Variants in RB1CC1 observed in about 807,000 individuals in gnomAD.
RB1CC1 encodes RB1-inducible coiled-coil protein 1.
RB1CC1 carries 46 observed loss-of-function variants against 177.5 expected under a neutral mutation model. The ratio of observed to expected loss-of-function variants is 0.26; its 90% CI spans 0.20 to 0.33. RB1CC1 has a LOEUF of 0.33. Ranked by LOEUF, RB1CC1 falls within the 10% of genes least tolerant of loss-of-function variation. RB1CC1 has a pLI of 1.00. For synonymous variants in RB1CC1, 666 were observed against 613.6 expected (o/e 1.09, Z -1.26); for missense variants, 1,703 against 1,816.3 (o/e 0.94, Z 1.13).
At chr8:52,665,876 T>C (rs1225738732) in intron 8 of RB1CC1, among the ~76,000 whole-genome samples, 3 of 152,276 alleles carry the variant, frequency 2.0e-5, no homozygotes, top group African/African-American at 7.2e-5. Flanking sequence ...CTGACTTCCC[T>C]GAAGAGCTAG....
intron 1 of RB1CC1, among the ~76,000 whole-genome samples, chr8:52,701,569 T>C (rs916560719): frequency 6.6e-6 from 1 of 152,184 alleles, no homozygotes; most frequent in Non-Finnish European, 1.5e-5. Flanking sequence ...TCTTTTCTTT[T>C]TCTTTAAGAG....
chr8:52,695,120 A>T (rs915489271), intron 1 of RB1CC1, among the ~76,000 whole-genome samples: 1 of 152,228 alleles, frequency 6.6e-6, no homozygotes, highest in Admixed American at 6.5e-5. Context: ...ATCTAAAAAG[A>T]AGACAGTATT....
chr8:52,674,922 A>T (rs1366328476), intron 6 of RB1CC1, among the ~76,000 whole-genome samples: 1 of 152,200 alleles, frequency 6.6e-6, no homozygotes, highest in African/African-American at 2.4e-5. Flanking sequence ...GCCTTAAGTA[A>T]ATCAAATATA....
At position 52,683,980 on chromosome 8, in the gene RB1CC1, T is replaced by G; in HGVS notation, c.105A>C (p.Lys35Asn). The G allele has an allele frequency of 6.2e-7, 1 of 1,613,980 alleles. No homozygotes were observed. The highest frequency in any genetic ancestry group is 2.2e-5 in the East Asian group (1 of 44,878). Residue 35 changes from lysine (K) to asparagine (N), a missense_variant, in exon 4 of 24, where the codon AAA becomes AAC. Physicochemically the swap from Lys to Asn is moderately conservative, Grantham distance 94. Transcript: ENST00000025008. ...VADLKHAIQS[K>N]YKIAIQHQVL... is the part of the protein sequence containing the mutation. ...CCTGGTGTTGAATAGCAATCTTGTA[T>G]TTGCTTTGAATGGCATGCTTAAGGT...
At chr8:52,667,738 GA>G (rs1000503890) in intron 8 of RB1CC1, among the ~76,000 whole-genome samples, 1 of 152,070 alleles carries the variant, frequency 6.6e-6, no homozygotes, top group Non-Finnish European at 1.5e-5. Context: ...AGGAAGCATT[GA>G]AATTTTTAGC....
rs1855151634 is a variant in RB1CC1 at position 52,694,085 on chromosome 8, T to A, written c.-166-7118A>T. 3.3e-5 allele frequency among the ~76,000 whole-genome samples: 5 copies of A among 152,142 alleles called. No individual in the cohort carries two copies. The South Asian group carries it at 1.0e-3, about 31-fold the overall frequency. ...CATATAGAGGAGAACCTACCTATCG[T>A]AGCCAAGAACAGAGCTGAGTGTTTA... On this transcript the variant is annotated intron_variant, in intron 1 of 23. Transcript: ENST00000025008.
chr8:52,637,296 T>G (rs1169663331), intron 18 of RB1CC1, among the ~76,000 whole-genome samples: 1 of 151,958 alleles, frequency 6.6e-6, no homozygotes, highest in Non-Finnish European at 1.5e-5. Context: ...TTCCTAAGTA[T>G]TTTTACCTTT....
At chr8:52,660,546 A>C (rs750708610) in intron 12 of RB1CC1, 50 bp downstream of exon 12, 2 of 1,448,972 alleles carry the variant, frequency 1.4e-6, no homozygotes, top group South Asian at 1.3e-5. Flanking sequence ...TCTGGAAAAA[A>C]GGTTTTAAAA....
intron 15 of RB1CC1, among the ~76,000 whole-genome samples, chr8:52,649,587 G>A (rs977154439): frequency 6.6e-6 from 1 of 152,154 alleles, no homozygotes; most frequent in African/African-American, 2.4e-5. Flanking sequence ...AGTAAGCCGA[G>A]ATCATGCCAC....
chr8:52,701,210 C>T (rs1038323410), intron 1 of RB1CC1, among the ~76,000 whole-genome samples: 2 of 152,046 alleles, frequency 1.3e-5, no homozygotes, highest in African/African-American at 4.8e-5. Context: ...GCAACCTCCG[C>T]CTCCTGGGTT....
At chr8:52,694,824 T>C (rs933765771) in intron 1 of RB1CC1, among the ~76,000 whole-genome samples, 4 of 152,172 alleles carry the variant, frequency 2.6e-5, no homozygotes, top group African/African-American at 7.2e-5. Context: ...ACTGGTATTC[T>C]AGTTTAGTGG....
chr8:52,657,315 T>C lies in RB1CC1; in HGVS notation c.2514A>G (p.Lys838=). The change falls in exon 15 of 24, where the codon AAA becomes AAG. Residue 838 remains lysine, a synonymous_variant. Coordinates refer to ENST00000025008, the MANE Select transcript of RB1CC1 (RefSeq NM_014781.5). ...TGTTTCTTATTTCTACTGCTGTACA[T>C]TTTAATGAATTTGAGAAGTCACACT... is the stretch of plus-strand genomic sequence containing the variant. ...KEQCDFSNSL[K]CTAVEIRNII... is the part of the protein sequence containing the mutation. 1.2e-6 allele frequency: 2 copies of C among 1,612,272 alleles called. No individual in the cohort carries two copies. Among genetic ancestry groups the C allele is most frequent in the Non-Finnish European group, 1.7e-6 (2 of 1,178,400 alleles).
At chr8:52,695,641 A>G (rs1291094464) in intron 1 of RB1CC1, among the ~76,000 whole-genome samples, 1 of 152,214 alleles carries the variant, frequency 6.6e-6, no homozygotes, top group Non-Finnish European at 1.5e-5. Context: ...GACTCAGGTG[A>G]GCTTCCCTAG....
intron 22 of RB1CC1, among the ~76,000 whole-genome samples, chr8:52,625,190 A>T (rs1014156632): frequency 3.9e-5 from 6 of 152,188 alleles, no homozygotes; most frequent in African/African-American, 1.4e-4. Flanking sequence ...GTTCAAAGCA[A>T]AACACTCATT....
At chr8:52,659,402 T>G (rs112022735) in intron 12 of RB1CC1, among the ~76,000 whole-genome samples, 26 of 152,284 alleles carry the variant, frequency 1.7e-4, no homozygotes, top group East Asian at 7.7e-4. Context: ...CTTATTTGCT[T>G]TTGCCTTGAC....
Position 52,673,841 on chromosome 8 carries a change from T to G in RB1CC1, c.1002+4A>C, listed in dbSNP as rs762708546. On this transcript the variant is annotated splice_donor_region_variant and intron_variant, in intron 7 of 23. Transcript: ENST00000025008. The stretch of plus-strand genomic sequence containing the variant: ...AAAACAAACATCAAATTAACGTTAC[T>G]TACCCTGCTCATAGAATCAAAGCAC... 1.1e-5 allele frequency: 18 copies of G among 1,601,236 alleles called. No homozygotes were observed. Among genetic ancestry groups the G allele is most frequent in the East Asian group, 6.7e-5 (3 of 44,640 alleles).
At chr8:52,662,022 A>G (rs369540990) in intron 8 of RB1CC1, among the ~76,000 whole-genome samples, 1 of 152,062 alleles carries the variant, frequency 6.6e-6, no homozygotes, top group Non-Finnish European at 1.5e-5. Flanking sequence ...TGTGTCTAGA[A>G]TCCTATAACA....
At chr8:52,683,835 A>G (rs1448441713) in intron 4 of RB1CC1, 52 bp downstream of exon 4, 1 of 1,597,924 alleles carries the variant, frequency 6.3e-7, no homozygotes, top group African/African-American at 1.3e-5. Context: ...TGAGTTCCCA[A>G]TGTGATGTAA....
chr8:52,667,455 A>G (rs1046748105), intron 8 of RB1CC1, among the ~76,000 whole-genome samples: 3 of 152,222 alleles, frequency 2.0e-5, no homozygotes, highest in Non-Finnish European at 4.4e-5. Context: ...TTTTGCCACA[A>G]TGCTAGCCAT....
Sources: gnomAD v4.1 joint callset for allele counts (sites outside exome capture counted in the v4.1 genomes callset) on GRCh38, gnomAD v4.1.1 for gene constraint, MANE v1.5 for transcripts, NCBI Gene and HGNC (gene_info 2026-07-23, HGNC 2026-07-21) for gene names.